KALRN: variants seen among roughly 807,000 people sequenced by gnomAD.
KALRN encodes kalirin.
KALRN carries 70 observed loss-of-function variants against 353.7 expected under a neutral mutation model. That is an observed-to-expected ratio of 0.20 (90% CI 0.16 to 0.24). The LOEUF is 0.24. Among genes scored for constraint, KALRN ranks in the 10% least tolerant of loss-of-function variants. The probability of loss-of-function intolerance (pLI) is 1.00; values close to 1 mark genes in which losing one functional copy is unlikely to be tolerated. For synonymous variants in KALRN, 1,391 were observed against 1,434.8 expected, an observed-to-expected ratio of 0.97 and a Z score of 0.69; for missense variants, 2,791 against 3,756.7, an observed-to-expected ratio of 0.74 and a Z score of 6.72.
intron 21 of KALRN, among the ~76,000 whole-genome samples, chr3:124,449,668 A>G (rs1226069147): frequency 6.6e-6 from 1 of 152,228 alleles, no homozygotes; most frequent in Non-Finnish European, 1.5e-5. Flanking sequence ...TACCCTAGAA[A>G]GAAACCTCAT....
At chr3:124,602,460 G>A (rs184552673) in intron 34 of KALRN, among the ~76,000 whole-genome samples, 181 of 152,324 alleles carry the variant, frequency 1.2e-3, no homozygotes, top group African/African-American at 4.1e-3. Context: ...ATGGGTGCCA[G>A]CAGATGTCCT....
intron 13 of KALRN, among the ~76,000 whole-genome samples, chr3:124,406,261 T>C (rs1472788340): frequency 1.3e-5 from 2 of 152,248 alleles, no homozygotes; most frequent in East Asian, 3.8e-4. Context: ...GGAAATGCTA[T>C]GATAACTTTA....
At chr3:124,094,432 C>T (rs1452612315) in intron 1 of KALRN, among the ~76,000 whole-genome samples, 2 of 152,206 alleles carry the variant, frequency 1.3e-5, no homozygotes, top group African/African-American at 4.8e-5. Flanking sequence ...AGCCACTGGC[C>T]TCTGGTGTGG....
chr3:124,116,675 T>C (rs1305228661), intron 1 of KALRN, among the ~76,000 whole-genome samples: 1 of 152,246 alleles, frequency 6.6e-6, no homozygotes, highest in East Asian at 1.9e-4. Flanking sequence ...AAATATACTA[T>C]GTTTTTTCCC....
intron 10 of KALRN, among the ~76,000 whole-genome samples, chr3:124,378,659 G>T (rs1261587362): frequency 1.4e-5 from 2 of 147,242 alleles, no homozygotes; most frequent in South Asian, 2.2e-4. Flanking sequence ...AAATACTTGT[G>T]CTGGGCACAG....
At chr3:124,430,874 A>G in intron 16 of KALRN, 99 bp downstream of exon 16, 1 of 1,406,512 alleles carries the variant, frequency 7.1e-7, no homozygotes, top group Non-Finnish European at 9.6e-7. Context: ...CAGGCAGCGA[A>G]GGCTGTACCC....
chr3:124,093,413 A>C (rs532732507), intron 1 of KALRN, among the ~76,000 whole-genome samples: 1 of 152,194 alleles, frequency 6.6e-6, no homozygotes, highest in African/African-American at 2.4e-5. Context: ...CTTGGAGAAC[A>C]AGGTCATCCT....
intron 56 of KALRN, among the ~76,000 whole-genome samples, chr3:124,701,713 G>T (rs1023883613): frequency 2.0e-5 from 3 of 151,784 alleles, no homozygotes; most frequent in African/African-American, 7.3e-5. Context: ...AGCTTTTCTA[G>T]GTCTTCAAAG....
At chr3:124,225,397 G>T (rs777880802) in intron 1 of KALRN, among the ~76,000 whole-genome samples, 4 of 152,196 alleles carry the variant, frequency 2.6e-5, no homozygotes, top group Non-Finnish European at 4.4e-5. Flanking sequence ...TTGTCCCCTA[G>T]TTTGGATTTT....
intron 1 of KALRN, chr3:124,151,903 G>T: frequency 1.6e-6 from 1 of 627,500 alleles, no homozygotes; most frequent in South Asian, 2.0e-5. Flanking sequence ...TATTCAATTT[G>T]AGAGCAGGTA....
intron 32 of KALRN, 97 bp from the exon 33 acceptor site, chr3:124,496,214 C>T (rs773505547): frequency 2.2e-4 from 179 of 809,852 alleles, no homozygotes; most frequent in Admixed American, 7.5e-4. Context: ...AGTGCTGAGG[C>T]GCTGCTCTGC....
intron 34 of KALRN, among the ~76,000 whole-genome samples, chr3:124,599,996 T>A (rs2076641557): frequency 6.6e-6 from 1 of 152,218 alleles, no homozygotes; most frequent in African/African-American, 2.4e-5. Flanking sequence ...ATGACCCTTC[T>A]ACCAGCATAT....
chr3:124,450,761 C>A (rs2058696349), intron 21 of KALRN, among the ~76,000 whole-genome samples: 1 of 152,018 alleles, frequency 6.6e-6, no homozygotes, highest in African/African-American at 2.4e-5. Context: ...CAGGGTTTCA[C>A]CATGTTGGCC....
chr3:124,181,401 A>G (rs968406301), intron 1 of KALRN, among the ~76,000 whole-genome samples: 1 of 152,182 alleles, frequency 6.6e-6, no homozygotes, highest in African/African-American at 2.4e-5. Flanking sequence ...CAAGAGTCCT[A>G]TTACATTTTT....
intron 41 of KALRN, among the ~76,000 whole-genome samples, chr3:124,658,047 G>T (rs926158842): frequency 2.0e-5 from 3 of 151,986 alleles, no homozygotes; most frequent in African/African-American, 2.4e-5. Flanking sequence ...CTAGCCACTT[G>T]GGGGGGCGGA....
rs148449355 is a variant in KALRN at position 124,174,497 on chromosome 3, A to G, written c.74-53493A>G. Among the ~76,000 whole-genome samples, 977 of 152,310 alleles carry G rather than the reference A, an allele frequency of 6.4e-3. 10 individuals carry two copies. The highest frequency in any genetic ancestry group is 0.022 in the African/African-American group (899 of 41,592). ...CTCACTAGCTTGTCAGTTGCTGCCA[A>G]TCTGCCCTCAGGTTTGGGCCTTTCT... On this transcript the variant is annotated intron_variant, in intron 1 of 59. Coordinates refer to ENST00000682506, the MANE Select transcript of KALRN (RefSeq NM_001388419.1).
intron 27 of KALRN, 100 bp downstream of exon 27, chr3:124,477,434 T>C (rs919791442): frequency 3.2e-6 from 3 of 950,952 alleles, no homozygotes; most frequent in South Asian, 3.0e-5. Context: ...TTTTTCCTAA[T>C]TTTTCTTTAC....
chr3:124,492,380 G>GGTGTT, intron 31 of KALRN, among the ~76,000 whole-genome samples: 1 of 152,176 alleles, frequency 6.6e-6, no homozygotes, highest in African/African-American at 2.4e-5. Flanking sequence ...GTGCCCACCA[G>GGTGTT]ACCTCCCCAG....
chr3:124,678,117 G>A (rs1253228627), intron 49 of KALRN, 73 bp from the exon 50 acceptor site: 2 of 1,527,974 alleles, frequency 1.3e-6, no homozygotes. Context: ...ACTCACCCAA[G>A]GGTGGTGAGC....
Sources: gnomAD v4.1 joint callset for allele counts (sites outside exome capture counted in the v4.1 genomes callset) on GRCh38, gnomAD v4.1.1 for gene constraint, MANE v1.5 for transcripts, NCBI Gene and HGNC (gene_info 2026-07-23, HGNC 2026-07-21) for gene names.